SLC23A2: variants seen among roughly 807,000 people sequenced by gnomAD.
SLC23A2 encodes the protein Na(+)/L-ascorbic acid transporter 2.
Under a neutral mutation model 73.3 loss-of-function variants are expected in SLC23A2, and 36 were observed. The observed-to-expected ratio is 0.49, with a 90% confidence interval of 0.38 to 0.65. The LOEUF (loss-of-function observed/expected upper bound fraction) is 0.65, where lower values mean the gene tolerates loss of function less well. SLC23A2 is among the 30% of genes least tolerant of loss of function. The probability of loss-of-function intolerance (pLI) is 0.00; values close to 1 mark genes in which losing one functional copy is unlikely to be tolerated. For synonymous variants in SLC23A2, 343 were observed against 327.3 expected (o/e 1.05, Z -0.52); for missense variants, 507 against 841.6 (o/e 0.60, Z 4.92).
At chr20:4,898,462 C>T (rs1182293545) in intron 6 of SLC23A2, among the ~76,000 whole-genome samples, 1 of 152,198 alleles carries the variant, frequency 6.6e-6, no homozygotes, top group East Asian at 1.9e-4. Flanking sequence ...CTGACTTCAG[C>T]TCACACCCAC....
At position 4,912,959 on chromosome 20, in the gene SLC23A2, G is replaced by C. The variant is rs1003862638; in HGVS notation, c.128C>G (p.Ala43Gly). The change falls in exon 4 of 17, where the codon GCC (alanine) becomes GGC (glycine). Residue 43 changes from alanine (A) to glycine (G), a missense_variant. This residue lies in a region of SLC23A2 where 78 missense variants were observed against 86.7 expected (regional missense o/e 0.90). Coordinates refer to ENST00000338244, the MANE Select transcript of SLC23A2 (RefSeq NM_005116.6). ...ATTGTCCTGCTCACCGCTGGAGGTGGCGCCTCCATTTATCACCACCTGCAG... is the reference window on the plus strand; with the variant it reads ...ATTGTCCTGCTCACCGCTGGAGGTGCCGCCTCCATTTATCACCACCTGCAG... ...FTLPVVINGG[A>G]TSSGEQDNED... The C allele has an allele frequency of 4.3e-6, 7 of 1,611,248 alleles. No individual in the cohort carries two copies. The highest frequency in any genetic ancestry group is 5.9e-6 in the Non-Finnish European group (7 of 1,177,996).
At chr20:4,860,367 C>CT (rs1929908509) in intron 15 of SLC23A2, among the ~76,000 whole-genome samples, 1 of 152,182 alleles carries the variant, frequency 6.6e-6, no homozygotes, top group Non-Finnish European at 1.5e-5. Flanking sequence ...AACAAGAGTC[C>CT]TTTTTGCGGA....
chr20:4,984,457 G>A lies in SLC23A2; in HGVS notation c.-281-13538C>T, dbSNP rs769332494. Among the ~76,000 whole-genome samples the A allele has an allele frequency of 4.6e-5, 7 of 151,694 alleles. No individual in the cohort carries two copies. In the East Asian group the frequency reaches 5.8e-4, roughly 13 times the overall value. The stretch of plus-strand genomic sequence containing the variant: ...TAGTCCCAGCTATTTGGAGGCTGAC[G>A]CAGGAGAATGGCATGAACCTGGCAG... On this transcript the variant is annotated intron_variant, in intron 1 of 16. Transcript: ENST00000338244.
intron 2 of SLC23A2, among the ~76,000 whole-genome samples, chr20:4,962,966 T>C (rs1343752190): frequency 6.6e-6 from 1 of 152,088 alleles, no homozygotes; most frequent in Admixed American, 6.6e-5. Context: ...GCCACTGCAC[T>C]CCAGCCTGGG....
At chr20:4,929,580 C>G (rs2064027560) in intron 3 of SLC23A2, among the ~76,000 whole-genome samples, 1 of 152,114 alleles carries the variant, frequency 6.6e-6, no homozygotes, top group Non-Finnish European at 1.5e-5. Flanking sequence ...GGAAAGAGAA[C>G]TAGGGAGGGA....
Position 4,853,135 on chromosome 20 carries a change from G to A in SLC23A2, c.*3837C>T, listed in dbSNP as rs895152302. ...CCAAGAGGAGGCTCCCTGGAGAAGC[G>A]AGCTTTGCGAATGCTCAGGCCCGGA... On this transcript the variant is annotated 3_prime_UTR_variant, in exon 17 of 17. Coordinates refer to ENST00000338244, the MANE Select transcript of SLC23A2 (RefSeq NM_005116.6). 1 of 152,306 alleles carries A rather than the reference G, an allele frequency of 6.6e-6. No individual in the cohort carries two copies. The highest frequency in any genetic ancestry group is 1.5e-5 in the Non-Finnish European group (1 of 68,102). 9.4% of individuals were successfully genotyped at this position (152,306 alleles called of 1,614,324 possible).
Position 4,899,472 on chromosome 20 carries a change from T to A in SLC23A2, c.482+83A>T. 6.6e-7 allele frequency: 1 copy of A among 1,521,732 alleles called. No individual in the cohort carries two copies. Among genetic ancestry groups the A allele is most frequent in the Non-Finnish European group, 9.1e-7 (1 of 1,103,248 alleles). The allele number at this position is 1,521,732 out of a possible 1,614,324, so 94.3% of individuals were successfully genotyped here. A position where few individuals can be genotyped will look rare whatever the true frequency, so the allele number is the denominator to read the frequency against. ...TCCATTCTGTCCTTGCCAACAGCCC[T>A]AGGCAAACGGCGCAGCTCAATGCCT... On this transcript the variant is annotated intron_variant, in intron 6 of 16. Transcript: ENST00000338244. The surrounding 1 kb of genome is among the most constrained non-coding windows in gnomAD (Gnocchi z 4.9).
chr20:4,977,109 G>A (rs955932749), intron 1 of SLC23A2, among the ~76,000 whole-genome samples: 2 of 152,110 alleles, frequency 1.3e-5, no homozygotes, highest in African/African-American at 2.4e-5. Context: ...AATAAATTAC[G>A]ATAGCAAAAC....
At chr20:4,861,246 G>A (rs948969435) in intron 15 of SLC23A2, among the ~76,000 whole-genome samples, 3 of 152,216 alleles carry the variant, frequency 2.0e-5, no homozygotes, top group African/African-American at 7.2e-5. Flanking sequence ...ACTGCTTAAT[G>A]AGTTTGGGGT....
At chr20:4,928,472 C>T (rs912126160) in intron 3 of SLC23A2, among the ~76,000 whole-genome samples, 9 of 152,008 alleles carry the variant, frequency 5.9e-5, no homozygotes. Flanking sequence ...TTATCTTGAG[C>T]TTTGGGAGTT....
At chr20:4,897,670 G>GA (rs1931595030) in intron 6 of SLC23A2, among the ~76,000 whole-genome samples, 1 of 152,184 alleles carries the variant, frequency 6.6e-6, no homozygotes, top group African/African-American at 2.4e-5. Flanking sequence ...CAGTGGGCAA[G>GA]ATGATGCCCT....
In SLC23A2 at chr20:4,903,489, T is replaced by C. The variant is rs557987995; in HGVS notation, c.208-931A>G. Reference sequence around the variant, plus strand: ...ATGTATCTCATTTTAAGAAATGTTTTATAACCTAGCAAACAAAGTGTTTAA... The same window carrying C: ...ATGTATCTCATTTTAAGAAATGTTTCATAACCTAGCAAACAAAGTGTTTAA... On this transcript the variant is annotated intron_variant, in intron 4 of 16. Transcript: ENST00000338244. Among the ~76,000 whole-genome samples, 33 of 152,358 alleles carry C rather than the reference T, an allele frequency of 2.2e-4. No homozygotes were observed. In the South Asian group the frequency reaches 6.2e-3, roughly 29 times the overall value.
chr20:4,879,251 A>C (rs1930780807), intron 9 of SLC23A2, among the ~76,000 whole-genome samples: 1 of 146,996 alleles, frequency 6.8e-6, no homozygotes, highest in South Asian at 2.1e-4. Context: ...TACTAAAAAT[A>C]CAAAAAAATT....
At chr20:4,926,233 T>C (rs1568627381) in intron 3 of SLC23A2, among the ~76,000 whole-genome samples, 1 of 152,230 alleles carries the variant, frequency 6.6e-6, no homozygotes, top group Non-Finnish European at 1.5e-5. Flanking sequence ...CTACTCTTGA[T>C]ACCCAAATAT....
chr20:4,957,396 A>G (rs2087307806), intron 2 of SLC23A2, among the ~76,000 whole-genome samples: 1 of 151,876 alleles, frequency 6.6e-6, no homozygotes, highest in South Asian at 2.1e-4. Flanking sequence ...TAGGAGTTCA[A>G]CGTTCAGTGA....
At position 4,861,948 on chromosome 20, in the gene SLC23A2, C is replaced by T; in HGVS notation, c.1624G>A (p.Gly542Arg). Reference protein sequence around the residue: ...SYLRQNPLVTGITGIDQVLNV... With the variant: ...SYLRQNPLVTRITGIDQVLNV... Reference sequence around the variant, plus strand: ...CAAGATGTAAAGCCCATTTCCTCACCTGTGACCAGAGGGTTCTGTCTGAGG... The same window carrying T: ...CAAGATGTAAAGCCCATTTCCTCACTTGTGACCAGAGGGTTCTGTCTGAGG... The change falls in exon 15 of 17, where the codon GGG becomes AGG. Residue 542 changes from glycine (G) to arginine (R), a missense_variant and splice_region_variant. Around this residue, in one of 5 missense-constraint regions of SLC23A2, gnomAD observed 168 missense variants for 302.3 expected, o/e 0.56. Coordinates refer to ENST00000338244, the MANE Select transcript of SLC23A2 (RefSeq NM_005116.6). 6.2e-7 allele frequency: 1 copy of T among 1,614,080 alleles called. No homozygotes were observed. The highest frequency in any genetic ancestry group is 8.5e-7 in the Non-Finnish European group (1 of 1,179,982).
At chr20:4,993,923 C>G (rs1324222195) in intron 1 of SLC23A2, among the ~76,000 whole-genome samples, 1 of 152,066 alleles carries the variant, frequency 6.6e-6, no homozygotes, top group Non-Finnish European at 1.5e-5. Flanking sequence ...AACCCTGTCT[C>G]TACAAAAAAT....
At chr20:4,867,129 T>C (rs1460216469) in intron 13 of SLC23A2, among the ~76,000 whole-genome samples, 2 of 149,874 alleles carry the variant, frequency 1.3e-5, no homozygotes, top group African/African-American at 4.9e-5. Flanking sequence ...TCAGGCAGTC[T>C]GTGGCTGCCT....
intron 2 of SLC23A2, among the ~76,000 whole-genome samples, chr20:4,954,469 G>T (rs1247214917): frequency 2.0e-5 from 3 of 152,116 alleles, no homozygotes; most frequent in Admixed American, 2.0e-4. Context: ...GGCCAAGGCA[G>T]GTGGATCACC....
Sources: gnomAD v4.1 joint callset for allele counts (sites outside exome capture counted in the v4.1 genomes callset) on GRCh38, gnomAD v4.1.1 for gene constraint, gnomAD v4.1.1 regional missense constraint, Gnocchi (gnomAD v3.1) non-coding constraint, MANE v1.5 for transcripts, NCBI Gene and HGNC (gene_info 2026-07-23, HGNC 2026-07-21) for gene names.